The following ADGRA2 variants were observed in gnomAD, a reference collection of about 807,000 sequenced individuals.
ADGRA2 encodes adhesion G protein-coupled receptor A2.
A neutral mutation model predicts 98.7 loss-of-function variants in ADGRA2; 61 were observed. The ratio of observed to expected loss-of-function variants is 0.62; its 90% confidence interval spans 0.50 to 0.76. ADGRA2 has a LOEUF of 0.76. Ranked by LOEUF, ADGRA2 falls within the 30% of genes least tolerant of loss-of-function variation. The pLI is 0.00. For missense variants in ADGRA2, 1,712 were observed against 1,860.0 expected, an observed-to-expected ratio of 0.92 and a Z score of 1.46; for synonymous variants, 858 against 831.5, an observed-to-expected ratio of 1.03 and a Z score of -0.55.
intron 9 of ADGRA2, 79 bp from the exon 10 acceptor site, chr8:37,833,609 C>T (rs1805520710): frequency 6.8e-7 from 1 of 1,472,230 alleles, no homozygotes; most frequent in Non-Finnish European, 9.4e-7. Context: ...AGCACTGGCA[C>T]AGAGCAGAGG....
chr8:37,816,195 C>A lies in ADGRA2; in HGVS notation c.338+1228C>A, dbSNP rs569447576. On this transcript the variant is annotated intron_variant, in intron 2 of 18. Transcript: ENST00000412232. ...ATCCCAGCACTCTGGGAGGCCGAGG[C>A]TGGAGGACGGCTTGAGCCCAGGAGT... Among the ~76,000 whole-genome samples, 8 of 150,504 alleles carry A rather than the reference C, an allele frequency of 5.3e-5. No individual in the cohort carries two copies. In the South Asian group the frequency reaches 1.7e-3, roughly 31 times the overall value.
intron 1 of ADGRA2, among the ~76,000 whole-genome samples, chr8:37,804,865 G>A (rs1012782648): frequency 2.6e-5 from 4 of 152,230 alleles, no homozygotes; most frequent in African/African-American, 9.6e-5. Context: ...AAGTACAAGC[G>A]TACTCACGGG....
intron 13 of ADGRA2, among the ~76,000 whole-genome samples, chr8:37,836,725 C>T (rs1255009825): frequency 1.3e-5 from 2 of 152,208 alleles, no homozygotes; most frequent in East Asian, 1.9e-4. Flanking sequence ...GTCAGAGAGC[C>T]CCTTCAAAGT....
rs745992051 is a variant in ADGRA2 at position 37,840,105 on chromosome 8, T to C, written c.2512-16T>C. 7.0e-6 allele frequency: 11 copies of C among 1,568,196 alleles called. No individual in the cohort carries two copies. The highest frequency in any genetic ancestry group is 2.3e-5 in the South Asian group (2 of 85,134). On this transcript the variant is annotated splice_polypyrimidine_tract_variant and intron_variant, in intron 16 of 18. Coordinates refer to ENST00000412232, the MANE Select transcript of ADGRA2 (RefSeq NM_032777.10). Reference sequence around the variant, plus strand: ...GTAGTCCCCAGGTCCCCAGCCTCCGTGCCTTGACCCCGCAGGTGGGCATCA... The same window carrying C: ...GTAGTCCCCAGGTCCCCAGCCTCCGCGCCTTGACCCCGCAGGTGGGCATCA...
At chr8:37,840,904 C>A in intron 18 of ADGRA2, 55 bp downstream of exon 18, 1 of 1,086,706 alleles carries the variant, frequency 9.2e-7, no homozygotes, top group Non-Finnish European at 1.4e-6. Flanking sequence ...AGATGCCTTC[C>A]ACTCCACTGG....
intron 1 of ADGRA2, among the ~76,000 whole-genome samples, chr8:37,805,397 T>C (rs578096092): frequency 2.2e-4 from 34 of 152,248 alleles, no homozygotes; most frequent in African/African-American, 7.9e-4. Flanking sequence ...TCTGCGTAGG[T>C]AGAAAACATT....
In ADGRA2 at chr8:37,837,780, G is replaced by T. The variant is rs1805662326; in HGVS notation, c.2100G>T (p.Arg700=). The T allele has an allele frequency of 6.4e-7, 1 of 1,551,500 alleles. No individual in the cohort carries two copies. The change falls in exon 14 of 19, where the codon CGG becomes CGT. Residue 700 remains arginine (R), a synonymous_variant. Transcript: ENST00000412232. ...CAGAGCCAGTGGCCGTTTCGCTGCGGCACTGGGCTGAGGGAGCCGAACCTG... is the reference window on the plus strand; with the variant it reads ...CAGAGCCAGTGGCCGTTTCGCTGCGTCACTGGGCTGAGGGAGCCGAACCTG... The part of the protein sequence containing the change: ...NLTEPVAVSL[R]HWAEGAEPVA...
chr8:37,841,181 T>C lies in ADGRA2; in HGVS notation c.2843T>C (p.Leu948Pro). The change falls in exon 19 of 19, where the codon CTA becomes CCA. Residue 948 changes from leucine (L) to proline (P), a missense_variant. By Grantham distance (98) the Leu-to-Pro change is moderately conservative. Coordinates refer to ENST00000412232, the MANE Select transcript of ADGRA2 (RefSeq NM_032777.10). The surrounding 1 kb of genome is among the most constrained non-coding windows in gnomAD (Gnocchi z 5.0). ...ITWIYFLCAG[L>P]RLRGPLAQNP... is the part of the protein sequence containing the mutation. ...TGGATCTATTTCCTGTGCGCCGGGC[T>C]ACGCTTACGGGGTCCTCTGGCACAG... 2 of 1,613,290 alleles carry C rather than the reference T, an allele frequency of 1.2e-6. No individual in the cohort carries two copies. The highest frequency in any genetic ancestry group is 1.7e-6 in the Non-Finnish European group (2 of 1,180,012).
chr8:37,825,232 T>C (rs1805241996), intron 2 of ADGRA2, among the ~76,000 whole-genome samples: 1 of 151,986 alleles, frequency 6.6e-6, no homozygotes, highest in African/African-American at 2.4e-5. Context: ...GATCAGACCA[T>C]CCAGCAAAGG....
intron 2 of ADGRA2, among the ~76,000 whole-genome samples, chr8:37,819,691 G>C (rs1306097672): frequency 6.6e-6 from 1 of 151,056 alleles, no homozygotes; most frequent in Non-Finnish European, 1.5e-5. Context: ...TCTTTTTTGA[G>C]ACAGAGTCTC....
chr8:37,807,147 C>A (rs186048594), intron 1 of ADGRA2, among the ~76,000 whole-genome samples: 1 of 152,318 alleles, frequency 6.6e-6, no homozygotes, highest in East Asian at 1.9e-4. Context: ...TATTGCCAGT[C>A]GGTGTTCAGG....
chr8:37,817,233 G>C (rs2129958320), intron 2 of ADGRA2, among the ~76,000 whole-genome samples: 1 of 152,272 alleles, frequency 6.6e-6, no homozygotes, highest in East Asian at 1.9e-4. Flanking sequence ...CCCATATTTG[G>C]GCAGAAAGGT....
intron 2 of ADGRA2, among the ~76,000 whole-genome samples, chr8:37,828,165 AC>A (rs1805336036): frequency 7.2e-6 from 1 of 138,680 alleles, no homozygotes; most frequent in South Asian, 2.3e-4. Context: ...CAAAACAACT[AC>A]CCCTCCCATG....
chr8:37,838,280 T>G (rs1805680403), intron 14 of ADGRA2, among the ~76,000 whole-genome samples: 1 of 143,854 alleles, frequency 7.0e-6, no homozygotes, highest in Non-Finnish European at 1.5e-5. Flanking sequence ...TTAGACGGAG[T>G]CTGGCTTTGT....
At chr8:37,818,207 C>T (rs932095841) in intron 2 of ADGRA2, among the ~76,000 whole-genome samples, 4 of 152,168 alleles carry the variant, frequency 2.6e-5, no homozygotes, top group Non-Finnish European at 4.4e-5. Flanking sequence ...GCAGTGGTCT[C>T]TTCAGCCCCT....
rs563097412 is a variant in ADGRA2, at chr8:37,841,797, C to G, written c.3459C>G (p.Ala1153=). Residue 1153 remains alanine, a synonymous_variant, in exon 19 of 19, where the codon GCC becomes GCG. Coordinates refer to ENST00000412232, the MANE Select transcript of ADGRA2 (RefSeq NM_032777.10). The surrounding 1 kb of genome is among the most constrained non-coding windows in gnomAD (Gnocchi z 5.0). ...QSQVCEAGAA[A]GGEGEPEPAG... ...AGGTGTGCGAGGCGGGGGCGGCGGCCGGCGGGGAAGGAGAGCCGGAGCCGG... is the reference window on the plus strand; with the variant it reads ...AGGTGTGCGAGGCGGGGGCGGCGGCGGGCGGGGAAGGAGAGCCGGAGCCGG... 5.9e-6 allele frequency: 9 copies of G among 1,531,126 alleles called. No individual in the cohort carries two copies. The Admixed American group carries it at 9.9e-5, about 17-fold the overall frequency. 94.8% of individuals were successfully genotyped at this position (1,531,126 alleles called of 1,614,324 possible). A position where few individuals can be genotyped will look rare whatever the true frequency, so the allele number is the denominator to read the frequency against.
At chr8:37,833,614 C>G (rs1441665622) in intron 9 of ADGRA2, 74 bp from the exon 10 acceptor site, 1 of 1,499,330 alleles carries the variant, frequency 6.7e-7, no homozygotes, top group Non-Finnish European at 9.2e-7. Context: ...TGGCACAGAG[C>G]AGAGGGTCCC....
In ADGRA2 at chr8:37,835,317, C is replaced by G. The variant is rs763323256; in HGVS notation, c.1752C>G (p.Pro584=). The G allele has an allele frequency of 6.2e-7, 1 of 1,613,614 alleles. No individual in the cohort carries two copies. Among genetic ancestry groups the G allele is most frequent in the South Asian group, 1.1e-5 (1 of 91,058 alleles). The change falls in exon 12 of 19, where the codon CCC becomes CCG. Residue 584 remains proline, a synonymous_variant. Coordinates refer to ENST00000412232, the MANE Select transcript of ADGRA2 (RefSeq NM_032777.10). ...GSPGQNPPPE[P]EPPADQQLRF... ...CTGGCCAGAACCCCCCACCTGAGCC[C>G]GAGCCCCCAGCTGACCAGCAGCTCC...
At chr8:37,837,626 G>A in intron 13 of ADGRA2, 105 bp from the exon 14 acceptor site, 1 of 930,856 alleles carries the variant, frequency 1.1e-6, no homozygotes, top group Non-Finnish European at 1.7e-6. Context: ...TGCCTGGCAG[G>A]TGCCTAGTAC....
Sources: gnomAD v4.1 joint callset for allele counts (sites outside exome capture counted in the v4.1 genomes callset) on GRCh38, gnomAD v4.1.1 for gene constraint, Gnocchi (gnomAD v3.1) non-coding constraint, MANE v1.5 for transcripts, NCBI Gene and HGNC (gene_info 2026-07-23, HGNC 2026-07-21) for gene names.